Variants in SLC5A10 observed in about 807,000 individuals in gnomAD.
SLC5A10 encodes the protein sodium/mannose cotransporter SLC5A10.
In SLC5A10, 55 loss-of-function variants were observed where a neutral mutation model predicts 68.9. The observed-to-expected ratio is 0.80, with a 90% CI of 0.64 to 1.00. The LOEUF (loss-of-function observed/expected upper bound fraction) is 1.00. Ranked by LOEUF, SLC5A10 falls within the 50% of genes least tolerant of loss-of-function variation. The pLI, the probability that SLC5A10 is intolerant of heterozygous loss-of-function variation, is 0.00. For missense variants in SLC5A10, 732 were observed against 819.3 expected (o/e 0.89, Z 1.30); for synonymous variants, 344 against 344.8 (o/e 1.00, Z 0.02).
At chr17:18,978,793 C>T (rs1167753301) in intron 9 of SLC5A10, 1 of 1,612,916 alleles carries the variant, frequency 6.2e-7, no homozygotes, top group Non-Finnish European at 8.5e-7. Context: ...TCTCCACCAC[C>T]TGGCCAGACA....
chr17:18,976,915 T>C lies in SLC5A10; in HGVS notation c.908T>C (p.Leu303Pro). 1 of 1,613,682 alleles carries C rather than the reference T, an allele frequency of 6.2e-7. No individual in the cohort carries two copies. The highest frequency in any genetic ancestry group is 8.5e-7 in the Non-Finnish European group (1 of 1,180,014). Residue 303 changes from leucine (L) to proline (P), a missense_variant, in exon 9 of 15, where the codon CTG (leucine) becomes CCG (proline). Coordinates refer to ENST00000395645, the MANE Select transcript of SLC5A10 (RefSeq NM_001042450.4). ...AACCATGCCAAGGCGGGCTCCATCCTGGCCAGCTACCTCAAGATGCTCCCC... is the reference window on the plus strand; with the variant it reads ...AACCATGCCAAGGCGGGCTCCATCCCGGCCAGCTACCTCAAGATGCTCCCC... Reference protein sequence around the residue: ...DLNHAKAGSILASYLKMLPMG... With the variant: ...DLNHAKAGSIPASYLKMLPMG...
chr17:18,978,240 G>A, intron 9 of SLC5A10: 1 of 1,593,576 alleles, frequency 6.3e-7, no homozygotes, highest in Non-Finnish European at 8.6e-7. Context: ...TCTGGGGGAG[G>A]GCAAGGCTCT....
intron 5 of SLC5A10, among the ~76,000 whole-genome samples, chr17:18,967,578 G>T (rs1263059247): frequency 6.6e-5 from 10 of 152,232 alleles, no homozygotes; most frequent in Non-Finnish European, 1.2e-4. Flanking sequence ...ACAGACCCAG[G>T]TTCTGTCCAG....
rs1261362832 is a variant in SLC5A10, at chr17:18,988,328, C to T, written c.982+11339C>T. The stretch of plus-strand genomic sequence containing the variant: ...CGTTACTCTCATCCACGATGATGTA[C>T]ACGGCCACTTTCCTCTTGAAGCCGG... On this transcript the variant is annotated intron_variant, in intron 9 of 14. Transcript: ENST00000395645. The T allele has an allele frequency of 3.7e-6, 6 of 1,614,122 alleles. No individual in the cohort carries two copies. The African/African-American group carries it at 4.0e-5, about 11-fold the overall frequency.
At chr17:18,960,735 C>T in intron 5 of SLC5A10, 83 bp downstream of exon 5, 3 of 1,288,950 alleles carry the variant, frequency 2.3e-6, no homozygotes, top group Non-Finnish European at 3.4e-6. Context: ...GACATCTTCT[C>T]ATTCATCTCT....
At chr17:19,008,720 C>T (rs1169795056) in intron 9 of SLC5A10, among the ~76,000 whole-genome samples, 3 of 151,860 alleles carry the variant, frequency 2.0e-5, no homozygotes, top group Non-Finnish European at 2.9e-5. Context: ...AGGATGGTAT[C>T]GATCTCCTGA....
chr17:18,992,965 C>A (rs1386511286), intron 9 of SLC5A10, among the ~76,000 whole-genome samples: 2 of 152,212 alleles, frequency 1.3e-5, no homozygotes, highest in Non-Finnish European at 2.9e-5. Flanking sequence ...TGTTTCCTAG[C>A]CTTCCTGTGA....
At chr17:18,951,986 C>A (rs948036177), upstream of SLC5A10, 16 of 571,632 alleles carry the variant, frequency 2.8e-5, no homozygotes, top group Middle Eastern at 4.9e-4. Flanking sequence ...TTCTCCCAGG[C>A]TCCCTGACTC....
intron 9 of SLC5A10, among the ~76,000 whole-genome samples, chr17:18,983,954 C>T (rs2152125197): frequency 6.6e-6 from 1 of 152,308 alleles, no homozygotes; most frequent in South Asian, 2.1e-4. Flanking sequence ...GGATGTTTAA[C>T]AACATCCTTG....
intron 3 of SLC5A10, 146 bp downstream of exon 3, chr17:18,959,385 T>A: frequency 1.1e-6 from 1 of 946,582 alleles, no homozygotes; most frequent in Non-Finnish European, 1.6e-6. Flanking sequence ...AAATCGTGTC[T>A]TCAGAATACC....
chr17:18,978,989 G>T, intron 9 of SLC5A10: 2 of 941,308 alleles, frequency 2.1e-6, no homozygotes, highest in Non-Finnish European at 3.2e-6. Flanking sequence ...CAGAGAGCAG[G>T]TGCATACTGT....
intron 9 of SLC5A10, chr17:18,977,779 G>C (rs924496501): frequency 1.2e-6 from 2 of 1,602,316 alleles, no homozygotes; most frequent in African/African-American, 2.7e-5. Flanking sequence ...GGCGCCTCCG[G>C]AGAGGGACTG....
chr17:18,976,802 A>T (rs1464296371), intron 8 of SLC5A10, 52 bp from the exon 9 acceptor site: 2 of 1,601,550 alleles, frequency 1.2e-6, no homozygotes, highest in East Asian at 4.5e-5. Context: ...ACCAATCCTG[A>T]CACAAGTGTC....
rs2044221065 is a variant in SLC5A10 at position 19,019,726 on chromosome 17, G to A, written c.1424G>A (p.Gly475Asp). The A allele has an allele frequency of 6.2e-7, 1 of 1,610,922 alleles. No homozygotes were observed. The highest frequency in any genetic ancestry group is 8.5e-7 in the Non-Finnish European group (1 of 1,179,626). ...RRANEQGAFW[G>D]LIAGLVVGAT... is the part of the protein sequence containing the mutation. ...CCTCCTCCCCAGGGGGCCTTCTGGG[G>A]CCTGATAGCAGGGCTGGTGGTGGGG... Residue 475 changes from glycine (G) to aspartate (D), a missense_variant, in exon 13 of 15, where the codon GGC becomes GAC. Gly to Asp is a moderately conservative substitution (Grantham distance 94). Transcript: ENST00000395645.
At position 19,011,707 on chromosome 17, in the gene SLC5A10, C is replaced by T. The variant is rs951453322; in HGVS notation, c.983-1703C>T. ...AGCCAGGGAGGTGCCTGGGGGATGA[C>T]AGGAACCTGGCGTCCGGGAAGCCTG... is the stretch of plus-strand genomic sequence containing the variant. On this transcript the variant is annotated intron_variant, in intron 9 of 14. Transcript: ENST00000395645. Among the ~76,000 whole-genome samples the T allele has an allele frequency of 1.1e-4, 17 of 151,830 alleles. 2 individuals carry two copies. Among genetic ancestry groups the T allele is most frequent in the Admixed American group, 7.9e-4 (12 of 15,270 alleles).
chr17:19,003,959 C>T lies in SLC5A10; in HGVS notation c.983-9451C>T. 1 of 1,612,940 alleles carries T rather than the reference C, an allele frequency of 6.2e-7. No individual in the cohort carries two copies. The highest frequency in any genetic ancestry group is 8.5e-7 in the Non-Finnish European group (1 of 1,179,926). On this transcript the variant is annotated intron_variant, in intron 9 of 14. Transcript: ENST00000395645. The surrounding 1 kb of genome is among the most constrained non-coding windows in gnomAD (Gnocchi z 4.5). ...CTCCAGCGCCAGCCGCTGCTCCTCG[C>T]TGTAGAAGAACTCAGGCTTGGACTC... is the stretch of plus-strand genomic sequence containing the variant.
At chr17:18,954,815 G>A (rs1412847131) in intron 1 of SLC5A10, among the ~76,000 whole-genome samples, 1 of 152,194 alleles carries the variant, frequency 6.6e-6, no homozygotes, top group African/African-American at 2.4e-5. Flanking sequence ...GCTCATGCCT[G>A]TAATCCCAGC....
chr17:19,009,161 G>C lies in SLC5A10; in HGVS notation c.983-4249G>C, dbSNP rs117012227. Among the ~76,000 whole-genome samples the C allele has an allele frequency of 0.011, 1,647 of 152,042 alleles. 123 individuals carry two copies. The East Asian group carries it at 0.19, about 18-fold the overall frequency. The stretch of plus-strand genomic sequence containing the variant: ...CTCAAGATCTTACAGCAAGGGATTG[G>C]GAGAGCTGAGTTTGTTTTGTTGTTG... On this transcript the variant is annotated intron_variant, in intron 9 of 14. Transcript: ENST00000395645.
chr17:19,022,301 A>C lies in SLC5A10; in HGVS notation c.*1870A>C, dbSNP rs373185773. ...AGTCCAGATCAATGGTAGTGCCACC[A>C]CTGGGCCTCCTGCTGCCCACACCCC... On this transcript the variant is annotated 3_prime_UTR_variant, in exon 15 of 15. Transcript: ENST00000395645. 1.0e-4 allele frequency: 50 copies of C among 483,824 alleles called. No individual in the cohort carries two copies. Among genetic ancestry groups the C allele is most frequent in the African/African-American group, 1.0e-3 (50 of 49,524 alleles). 30.0% of individuals were successfully genotyped at this position (483,824 alleles called of 1,614,324 possible).
Sources: allele counts gnomAD v4.1 joint callset (sites outside exome capture counted in the v4.1 genomes callset), GRCh38; gene constraint gnomAD v4.1.1; non-coding constraint Gnocchi (gnomAD v3.1); transcripts MANE v1.5; gene names NCBI Gene and HGNC (gene_info 2026-07-23, HGNC 2026-07-21).